The following JAM3 variants were observed in gnomAD, a reference collection of about 807,000 sequenced individuals.
JAM3 encodes the protein junctional adhesion molecule 3, also known as junctional adhesion molecule C.
In JAM3, 31 loss-of-function variants were observed where a neutral mutation model predicts 39.4. The observed-to-expected ratio is 0.79, with a 90% confidence interval of 0.59 to 1.06. The LOEUF is 1.06. Among genes scored for constraint, JAM3 ranks in the 50% least tolerant of loss-of-function variants. JAM3 has a pLI of 0.00. For missense variants in JAM3, 455 were observed against 391.4 expected (o/e 1.16, Z -1.37); for synonymous variants, 182 against 148.7 (o/e 1.22, Z -1.63).
At chr11:134,114,740 A>G (rs1942388209) in intron 1 of JAM3, among the ~76,000 whole-genome samples, 1 of 152,140 alleles carries the variant, frequency 6.6e-6, no homozygotes, top group Non-Finnish European at 1.5e-5. Context: ...TTTAAAACGT[A>G]TTGTGATTTG....
chr11:134,098,669 A>G (rs1349358492), intron 1 of JAM3, among the ~76,000 whole-genome samples: 1 of 152,192 alleles, frequency 6.6e-6, no homozygotes, highest in East Asian at 1.9e-4. Context: ...GAACTCATGA[A>G]TTAGACAAAT....
chr11:134,107,307 G>C (rs543610500), intron 1 of JAM3, among the ~76,000 whole-genome samples: 41 of 152,206 alleles, frequency 2.7e-4, no homozygotes, highest in African/African-American at 9.9e-4. Context: ...ACAGGAAGGG[G>C]AACATCACAC....
At chr11:134,136,726 CAT>C (rs752887838) in intron 1 of JAM3, among the ~76,000 whole-genome samples, 61 of 152,004 alleles carry the variant, frequency 4.0e-4, no homozygotes, top group Admixed American at 3.6e-3. Context: ...ATTTAAATCT[CAT>C]GTGTAGTTCA....
At chr11:134,082,626 C>T (rs902059719) in intron 1 of JAM3, among the ~76,000 whole-genome samples, 1 of 152,180 alleles carries the variant, frequency 6.6e-6, no homozygotes, top group African/African-American at 2.4e-5. Context: ...ATGCCTTTCA[C>T]CTTCTGCCAT....
chr11:134,104,314 AC>A (rs1942139204), intron 1 of JAM3, among the ~76,000 whole-genome samples: 1 of 152,220 alleles, frequency 6.6e-6, no homozygotes, highest in African/African-American at 2.4e-5. Context: ...ACCAATGAGA[AC>A]AAAGACACAA....
intron 1 of JAM3, among the ~76,000 whole-genome samples, chr11:134,136,509 G>C (rs1054040084): frequency 6.6e-6 from 1 of 152,214 alleles, no homozygotes; most frequent in African/African-American, 2.4e-5. Flanking sequence ...CAAGAAAGGA[G>C]CTCTAGAGTA....
At chr11:134,090,638 G>T (rs925836335) in intron 1 of JAM3, among the ~76,000 whole-genome samples, 1 of 152,128 alleles carries the variant, frequency 6.6e-6, no homozygotes, top group Non-Finnish European at 1.5e-5. Context: ...GTGCTTTCAA[G>T]CTCTTTGCTG....
At position 134,144,212 on chromosome 11, in the gene JAM3, T is replaced by A. The variant is rs1345883912; in HGVS notation, c.257-29T>A. 3 of 1,613,634 alleles carry A rather than the reference T, an allele frequency of 1.9e-6. No individual in the cohort carries two copies. In the East Asian group the frequency reaches 6.7e-5, roughly 36 times the overall value. The stretch of plus-strand genomic sequence containing the variant: ...AGTGGCAAAGATTTCTTTAAAGAAG[T>A]TTTTTAGTGCCTCGTGTCTTTTCTG... On this transcript the variant is annotated intron_variant, in intron 3 of 8. Transcript: ENST00000299106.
intron 1 of JAM3, among the ~76,000 whole-genome samples, chr11:134,130,464 G>C (rs1390940988): frequency 6.6e-6 from 1 of 152,122 alleles, no homozygotes; most frequent in Non-Finnish European, 1.5e-5. Context: ...ATAGTGACAA[G>C]GCTAACTTAC....
At chr11:134,129,485 A>G (rs1036834688) in intron 1 of JAM3, among the ~76,000 whole-genome samples, 2 of 152,078 alleles carry the variant, frequency 1.3e-5, no homozygotes, top group Non-Finnish European at 2.9e-5. Context: ...CTTCTTTAAC[A>G]TTAATTACTG....
rs1943030800 is a variant in JAM3, at chr11:134,144,361, T to C, written c.377T>C (p.Ile126Thr). 1.9e-6 allele frequency: 3 copies of C among 1,614,104 alleles called. No homozygotes were observed. Among genetic ancestry groups the C allele is most frequent in the African/African-American group, 1.3e-5 (1 of 75,020 alleles). ...GTTGCTCGAAATGACCGCAAGGAAA[T>C]TGATGAGATTGTGATCGAGTTAACT... ...EVVARNDRKE[I>T]DEIVIELTVQ... Residue 126 changes from isoleucine to threonine, a missense_variant, in exon 4 of 9, where the codon ATT becomes ACT. Physicochemically the swap from Ile to Thr is moderately conservative, Grantham distance 89. Coordinates refer to ENST00000299106, the MANE Select transcript of JAM3 (RefSeq NM_032801.5).
chr11:134,069,791 G>A (rs1941459614), intron 1 of JAM3, among the ~76,000 whole-genome samples: 1 of 152,226 alleles, frequency 6.6e-6, no homozygotes, highest in Admixed American at 6.5e-5. Context: ...CTGGCGGGCT[G>A]CTTGGTCACA....
intron 1 of JAM3, among the ~76,000 whole-genome samples, chr11:134,080,475 G>T (rs962864264): frequency 6.6e-6 from 1 of 152,164 alleles, no homozygotes. Flanking sequence ...TGAATCATGG[G>T]GTGGGTCTTT....
chr11:134,099,253 TAATTGTAAA>T (rs1373535895), intron 1 of JAM3, among the ~76,000 whole-genome samples: 1 of 151,872 alleles, frequency 6.6e-6, no homozygotes, highest in Non-Finnish European at 1.5e-5. Flanking sequence ...AGGAATGAGG[TAATTGTAAA>T]ATGAAGGTTT....
At chr11:134,124,200 A>G in intron 1 of JAM3, 1 of 1,432,692 alleles carries the variant, frequency 7.0e-7, no homozygotes, top group Non-Finnish European at 9.8e-7. Context: ...ACAAACTCGA[A>G]CCAAAGTCAT....
At chr11:134,140,209 A>G (rs1942949289) in intron 2 of JAM3, among the ~76,000 whole-genome samples, 1 of 152,120 alleles carries the variant, frequency 6.6e-6, no homozygotes, top group Non-Finnish European at 1.5e-5. Context: ...GCTGGAGTGT[A>G]GTGGCGCAAT....
At chr11:134,104,055 A>G (rs937272538) in intron 1 of JAM3, among the ~76,000 whole-genome samples, 2 of 152,238 alleles carry the variant, frequency 1.3e-5, no homozygotes, top group African/African-American at 2.4e-5. Flanking sequence ...CAGAATATAC[A>G]TTCTTCTCAG....
At position 134,093,077 on chromosome 11, in the gene JAM3, C is replaced by T. The variant is rs980429953; in HGVS notation, c.76+23918C>T. Among the ~76,000 whole-genome samples the T allele has an allele frequency of 1.9e-4, 23 of 118,874 alleles. 4 individuals carry two copies. The highest frequency in any genetic ancestry group is 6.9e-4 in the African/African-American group (21 of 30,438). 78.0% of individuals were successfully genotyped at this position (118,874 alleles called of 152,430 possible). A position where few individuals can be genotyped will look rare whatever the true frequency, so the allele number is the denominator to read the frequency against. On this transcript the variant is annotated intron_variant, in intron 1 of 8. Coordinates refer to ENST00000299106, the MANE Select transcript of JAM3 (RefSeq NM_032801.5). ...ATCATGTTCCACCTTACATCTTATT[C>T]GTCATGTTCCATCTTACATGTCACT... is the stretch of plus-strand genomic sequence containing the variant.
intron 1 of JAM3, among the ~76,000 whole-genome samples, chr11:134,091,945 C>T (rs1355511711): frequency 6.6e-6 from 1 of 151,410 alleles, no homozygotes; most frequent in Non-Finnish European, 1.5e-5. Flanking sequence ...GGCAGTATTG[C>T]AACAATTCAG....
Sources: allele counts gnomAD v4.1 joint callset (sites outside exome capture counted in the v4.1 genomes callset), GRCh38; gene constraint gnomAD v4.1.1; transcripts MANE v1.5; gene names NCBI Gene and HGNC (gene_info 2026-07-23, HGNC 2026-07-21).